The following AZIN2 variants were observed in gnomAD, a reference collection of about 807,000 sequenced individuals.
AZIN2 encodes the protein antizyme inhibitor 2, also known as ODC antizyme inhibitor-2.
In AZIN2, 28 loss-of-function variants were observed where a neutral mutation model predicts 47.8. The observed-to-expected ratio is 0.59, with a 90% CI of 0.43 to 0.80. AZIN2 has a LOEUF of 0.80. Among genes scored for constraint, AZIN2 ranks in the 30% least tolerant of loss-of-function variants. AZIN2 has a pLI of 0.00. For missense variants in AZIN2, 535 were observed against 582.5 expected (o/e 0.92, Z 0.84); for synonymous variants, 221 against 239.4 (o/e 0.92, Z 0.71).
At chr1:33,147,450 G>A in the AZIN2 span, 1 of 1,614,036 alleles carries the variant, frequency 6.2e-7, no homozygotes, top group Non-Finnish European at 8.5e-7. The surrounding 1 kb of genome is among the most constrained non-coding windows in gnomAD (Gnocchi z 8.1). Context: ...TGCAGTAGAA[G>A]CCGCGGCTGG....
At chr1:33,088,399 C>G (rs1279520475) in intron 5 of AZIN2, among the ~76,000 whole-genome samples, 2 of 152,198 alleles carry the variant, frequency 1.3e-5, no homozygotes, top group Non-Finnish European at 2.9e-5. Flanking sequence ...TCTGTCATCT[C>G]CCCCAGGGCG....
At chr1:33,164,832 G>A in the AZIN2 span, 4 of 152,304 alleles carry the variant, frequency 2.6e-5, no homozygotes, top group African/African-American at 9.7e-5. Flanking sequence ...AGGCTGGAGT[G>A]CAGTGGCATG....
intron 10 of AZIN2, among the ~76,000 whole-genome samples, chr1:33,114,021 T>C (rs1349299365): frequency 1.3e-5 from 2 of 152,226 alleles, no homozygotes; most frequent in African/African-American, 2.4e-5. Context: ...TGTCAGGTTT[T>C]TGCCTATATA....
chr1:33,134,096 T>C, the AZIN2 span, among the ~76,000 whole-genome samples: 2 of 152,228 alleles, frequency 1.3e-5, no homozygotes, highest in Non-Finnish European at 2.9e-5. Flanking sequence ...GCCTTCATGC[T>C]ATCCATGTGC....
At chr1:33,159,136 T>G in the AZIN2 span, among the ~76,000 whole-genome samples, 1 of 152,170 alleles carries the variant, frequency 6.6e-6, no homozygotes, top group Non-Finnish European at 1.5e-5. The surrounding 1 kb of genome is among the most constrained non-coding windows in gnomAD (Gnocchi z 4.2). Context: ...TGAGCCACCG[T>G]GCCCAGCAGG....
downstream of AZIN2, among the ~76,000 whole-genome samples, chr1:33,126,711 AC>A (rs58929138): frequency 6.6e-6 from 1 of 151,654 alleles, no homozygotes; most frequent in African/African-American, 2.4e-5. Flanking sequence ...GGCACGTAGG[AC>A]CCCCCCAATA....
chr1:33,149,333 T>C, the AZIN2 span, among the ~76,000 whole-genome samples: 1 of 152,134 alleles, frequency 6.6e-6, no homozygotes, highest in Non-Finnish European at 1.5e-5. Context: ...TTTGTATTTT[T>C]AGTAGAGACA....
the AZIN2 span, chr1:33,142,046 T>G: frequency 6.6e-6 from 1 of 152,132 alleles, no homozygotes; most frequent in Middle Eastern, 3.4e-3. Context: ...TGTCCCAGAG[T>G]AAGGGGAAAT....
At chr1:33,097,315 C>G (rs919729048) in intron 9 of AZIN2, among the ~76,000 whole-genome samples, 6 of 152,194 alleles carry the variant, frequency 3.9e-5, no homozygotes, top group Non-Finnish European at 7.3e-5. Flanking sequence ...GTCCACTTTA[C>G]AGATGACAAC....
the AZIN2 span, among the ~76,000 whole-genome samples, chr1:33,151,482 G>A: frequency 6.6e-6 from 1 of 152,136 alleles, no homozygotes; most frequent in Non-Finnish European, 1.5e-5. Flanking sequence ...GCTAACAGGA[G>A]TAACAACCTT....
rs868498254 is a variant in AZIN2 at position 33,118,093 on chromosome 1, C to T, written c.1221C>T (p.Thr407=). 6.6e-7 allele frequency: 1 copy of T among 1,514,998 alleles called. No homozygotes were observed. The highest frequency in any genetic ancestry group is 1.4e-5 in the African/African-American group (1 of 71,202). 93.8% of individuals were successfully genotyped at this position (1,514,998 alleles called of 1,614,324 possible). ...GGGGGACCCAGGCCTGCCACATCAC[C>T]TATGCCATGTCCCGGGTGGCCTGGT... is the stretch of plus-strand genomic sequence containing the variant. ...PFWGTQACHI[T]YAMSRVAWEA... is the part of the protein sequence containing the mutation. Residue 407 remains threonine, a synonymous_variant, in exon 11 of 12, where the codon ACC becomes ACT. Transcript: ENST00000294517.
rs1642630809 is a variant in AZIN2 at position 33,092,241 on chromosome 1, ATGGGGAGGCTGGGCTG to A, written c.452+27_452+42del. The stretch of plus-strand genomic sequence containing the variant: ...GTGCCAAGTAAGCTGAGAACCACTC[ATGGGGAGGCTGGGCTG>A]TGGGGAGCCTGGGCTGTGGGGAGCC... On this transcript the variant is annotated intron_variant, in intron 6 of 11. Transcript: ENST00000294517. 2.5e-6 allele frequency: 4 copies of A among 1,587,812 alleles called. No homozygotes were observed. Among genetic ancestry groups the A allele is most frequent in the South Asian group, 2.2e-5 (2 of 90,390 alleles).
chr1:33,146,008 C>T, the AZIN2 span: 17 of 436,318 alleles, frequency 3.9e-5, 1 homozygote, highest in South Asian at 1.7e-4. Context: ...TTGGCTGGCA[C>T]GGACCGTGGC....
At chr1:33,147,325 A>C in the AZIN2 span, 1 of 1,614,210 alleles carries the variant, frequency 6.2e-7, no homozygotes, top group Non-Finnish European at 8.5e-7. The surrounding 1 kb of genome is among the most constrained non-coding windows in gnomAD (Gnocchi z 8.1). Context: ...GTAGAAGATG[A>C]GCAAGCCTTG....
chr1:33,100,588 T>A (rs985962256), intron 10 of AZIN2, among the ~76,000 whole-genome samples: 3 of 152,050 alleles, frequency 2.0e-5, no homozygotes, highest in Non-Finnish European at 4.4e-5. Flanking sequence ...TGTGTGTGTG[T>A]GATTAGTATA....
At chr1:33,129,493 G>T in the AZIN2 span, among the ~76,000 whole-genome samples, 1 of 152,124 alleles carries the variant, frequency 6.6e-6, no homozygotes, top group Non-Finnish European at 1.5e-5. The surrounding 1 kb of genome is among the most constrained non-coding windows in gnomAD (Gnocchi z 4.1). Flanking sequence ...CTAAAATTCT[G>T]CCCCAAAGTG....
At chr1:33,107,788 C>T (rs748934611) in intron 10 of AZIN2, among the ~76,000 whole-genome samples, 28 of 151,980 alleles carry the variant, frequency 1.8e-4, no homozygotes, top group Admixed American at 5.2e-4. Context: ...GAGATGTGTA[C>T]GCTGAAAACT....
intron 4 of AZIN2, 104 bp downstream of exon 4, chr1:33,082,458 G>A (rs1195192233): frequency 2.6e-6 from 2 of 766,422 alleles, no homozygotes; most frequent in Middle Eastern, 3.7e-4. Context: ...CGCTTATTTG[G>A]TACGCAATCC....
At chr1:33,158,619 A>G in the AZIN2 span, among the ~76,000 whole-genome samples, 1 of 152,210 alleles carries the variant, frequency 6.6e-6, no homozygotes, top group Non-Finnish European at 1.5e-5. Flanking sequence ...TACATGGCAT[A>G]ACATATACAG....
Sources: gnomAD v4.1 joint callset for allele counts (sites outside exome capture counted in the v4.1 genomes callset) on GRCh38, gnomAD v4.1.1 for gene constraint, Gnocchi (gnomAD v3.1) non-coding constraint, MANE v1.5 for transcripts, NCBI Gene and HGNC (gene_info 2026-07-23, HGNC 2026-07-21) for gene names.